The following RPL31 variants were observed in gnomAD, a reference collection of about 807,000 sequenced individuals.
RPL31 encodes large ribosomal subunit protein eL31.
For synonymous variants in RPL31, 51 were observed against 55.0 expected, an observed-to-expected ratio of 0.93 and a Z score of 0.32; for missense variants, 95 against 164.0, an observed-to-expected ratio of 0.58 and a Z score of 2.30.
chr2:101,008,028 T>C, downstream of RPL31: 1 of 1,613,982 alleles, frequency 6.2e-7, no homozygotes, highest in African/African-American at 1.3e-5. Flanking sequence ...CCTCTGGAAA[T>C]GCCTGGGAGT....
At chr2:101,018,578 ACATCCTTTAATG>A (rs1229545169) in intron 4 of RPL31, among the ~76,000 whole-genome samples, 1 of 152,218 alleles carries the variant, frequency 6.6e-6, no homozygotes, top group Non-Finnish European at 1.5e-5. Flanking sequence ...CATTTTAAGG[ACATCCTTTAATG>A]TGGATTCAGG....
chr2:101,008,016 C>G (rs766672296), downstream of RPL31: 52 of 1,613,838 alleles, frequency 3.2e-5, no homozygotes, highest in Non-Finnish European at 3.6e-5. Flanking sequence ...CCCTTTCTGC[C>G]GCCTCTGGAA....
chr2:101,005,796 T>C, intron 3 of RPL31, 163 bp from the exon 4 acceptor site: 1 of 633,476 alleles, frequency 1.6e-6, no homozygotes, highest in Non-Finnish European at 2.8e-6. Context: ...AATGTTCACC[T>C]GGGGGTTATG....
At position 101,006,409 on chromosome 2, in the gene RPL31, AT is replaced by A. The variant is rs1678739769; in HGVS notation, c.*29del. The A allele has an allele frequency of 6.2e-7, 1 of 1,604,496 alleles. No homozygotes were observed. Among genetic ancestry groups the A allele is most frequent in the South Asian group, 1.1e-5 (1 of 89,264 alleles). On this transcript the variant is annotated 3_prime_UTR_variant, in exon 5 of 5. Transcript: ENST00000264258. ...GCTGATCGTCAGATCAAATAAAGTT[AT>A]AAAATTGCCTTCATGTTTTTGTTCT...
downstream of RPL31, chr2:101,007,855 TG>T (rs561128039): frequency 4.3e-6 from 7 of 1,612,702 alleles, no homozygotes; most frequent in South Asian, 6.6e-5. Flanking sequence ...AGATTGTGAT[TG>T]GTGGCTCATT....
At position 101,014,384 on chromosome 2, in the gene RPL31, T is replaced by G. The variant is rs557951171; in HGVS notation, c.347-4614T>G. ...AGCTGATATCAGGACTGCTTAACTG[T>G]TAAACTGGAGCTGATATCAGGACTG... is the stretch of plus-strand genomic sequence containing the variant. On this transcript the variant is annotated intron_variant, in intron 4 of 4. Transcript: ENST00000409028. Among the ~76,000 whole-genome samples, 4 of 152,352 alleles carry G rather than the reference T, an allele frequency of 2.6e-5. No individual in the cohort carries two copies. The South Asian group carries it at 8.3e-4, about 32-fold the overall frequency.
chr2:101,007,958 G>C (rs199973474), downstream of RPL31: 10 of 1,613,908 alleles, frequency 6.2e-6, no homozygotes, highest in African/African-American at 1.3e-4. Context: ...ACTAATGACT[G>C]TTCAGTCAGA....
At chr2:101,007,760 A>G (rs927832157), downstream of RPL31, 28 of 1,532,928 alleles carry the variant, frequency 1.8e-5, no homozygotes, top group Admixed American at 8.8e-5. Context: ...TGACCCCAAG[A>G]AACAGTCTGG....
At chr2:101,008,912 A>G (rs1166379160), downstream of RPL31, among the ~76,000 whole-genome samples, 1 of 152,224 alleles carries the variant, frequency 6.6e-6, no homozygotes, top group Non-Finnish European at 1.5e-5. Flanking sequence ...CTGAAACGCT[A>G]TAAAGTTAGG....
downstream of RPL31, among the ~76,000 whole-genome samples, chr2:101,008,836 C>G (rs1306790742): frequency 2.6e-5 from 4 of 151,752 alleles, no homozygotes; most frequent in African/African-American, 9.7e-5. Context: ...GAAACCACAG[C>G]AACGTACAGA....
intron 4 of RPL31, chr2:101,018,884 C>A: frequency 7.2e-7 from 1 of 1,382,694 alleles, no homozygotes; most frequent in South Asian, 1.3e-5. Flanking sequence ...TGGCCAATAT[C>A]CGTAGGTTTA....
intron 4 of RPL31, among the ~76,000 whole-genome samples, chr2:101,013,975 A>G (rs528887100): frequency 6.6e-6 from 1 of 152,354 alleles, no homozygotes; most frequent in East Asian, 1.9e-4. Flanking sequence ...AGAAATTCCA[A>G]TACAGCCAAG....
chr2:101,005,608 T>C, intron 3 of RPL31: 1 of 241,196 alleles, frequency 4.1e-6, no homozygotes, highest in Admixed American at 5.5e-5. Context: ...CCATGCCGTT[T>C]CTTCATATTT....
intron 2 of RPL31, 113 bp downstream of exon 2, chr2:101,002,921 C>A: frequency 4.1e-6 from 3 of 738,422 alleles, no homozygotes; most frequent in Non-Finnish European, 2.4e-6. Flanking sequence ...TTCCCTGTTT[C>A]ATTCATTGGC....
downstream of RPL31, among the ~76,000 whole-genome samples, chr2:101,011,993 T>TA (rs1679251648): frequency 6.6e-6 from 1 of 152,180 alleles, no homozygotes; most frequent in African/African-American, 2.4e-5. Context: ...CTGCTGTACT[T>TA]ACACGATTTC....
chr2:101,005,616 T>C (rs900711446), intron 3 of RPL31: 1 of 256,692 alleles, frequency 3.9e-6, no homozygotes, highest in Non-Finnish European at 7.5e-6. Context: ...TTTCTTCATA[T>C]TTTAATGTAA....
At chr2:101,002,854 GT>G (rs1435539964) in intron 2 of RPL31, 46 bp downstream of exon 2, 10 of 1,435,170 alleles carry the variant, frequency 7.0e-6, no homozygotes, top group Non-Finnish European at 9.8e-6. Context: ...CACGCGTCTG[GT>G]TGTTACCGAG....
At position 101,006,036 on chromosome 2, in the gene RPL31, C is replaced by T. The variant is rs3424; in HGVS notation, c.311C>T (p.Thr104Ile). Residue 104 changes from threonine (T) to isoleucine (I), a missense_variant, in exon 4 of 5, where the codon ACT becomes ATT. Physicochemically the swap from Thr to Ile is moderately conservative, Grantham distance 89. Coordinates refer to ENST00000264258, the MANE Select transcript of RPL31 (RefSeq NM_000993.5). Reference protein sequence around the residue: ...EDEDSPNKLYTLVTYVPVTTF... With the variant: ...EDEDSPNKLYILVTYVPVTTF... ...GAAGATTCACCAAATAAGCTATATA[C>T]TTTGGTTACCTATGTACCTGTTACC... is the stretch of plus-strand genomic sequence containing the variant. 1.2e-6 allele frequency: 2 copies of T among 1,613,926 alleles called. No individual in the cohort carries two copies. Among genetic ancestry groups the T allele is most frequent in the South Asian group, 1.1e-5 (1 of 91,078 alleles).
At chr2:101,002,498 G>A (rs1238711727) in intron 1 of RPL31, 183 bp downstream of exon 1, 2 of 609,744 alleles carry the variant, frequency 3.3e-6, no homozygotes, top group African/African-American at 3.7e-5. Context: ...AGGCTTAGGG[G>A]AGCCGGAGCG....
Sources: gnomAD v4.1 joint callset for allele counts (sites outside exome capture counted in the v4.1 genomes callset) on GRCh38, gnomAD v4.1.1 for gene constraint, MANE v1.5 for transcripts, NCBI Gene and HGNC (gene_info 2026-07-23, HGNC 2026-07-21) for gene names.